KARS1: variants seen among roughly 807,000 people sequenced by gnomAD.
KARS1 encodes lysine--tRNA ligase.
Under a neutral mutation model 63.9 loss-of-function variants are expected in KARS1, and 50 were observed. The observed-to-expected ratio is 0.78, with a 90% CI of 0.62 to 0.99. The LOEUF is 0.99. Ranked by LOEUF, KARS1 falls within the 50% of genes least tolerant of loss-of-function variation. The pLI is 0.00. For synonymous variants in KARS1, 320 were observed against 264.6 expected (o/e 1.21, Z -2.03); for missense variants, 816 against 754.5 (o/e 1.08, Z -0.95).
chr16:75,634,339 T>C (rs755039049), intron 6 of KARS1, 47 bp from the exon 7 acceptor site: 12 of 1,604,808 alleles, frequency 7.5e-6, no homozygotes, highest in Admixed American at 1.7e-5. Flanking sequence ...ACCAGAGGCC[T>C]TGGGGACAGA....
rs1340620008 is a variant in KARS1 at position 75,631,856 on chromosome 16, C to G, written c.916-1G>C. ...GGTCGATGCCACCAACCACAAGCATCTAACAACAACACATGGCCACGGTCA... is the reference window on the plus strand; with the variant it reads ...GGTCGATGCCACCAACCACAAGCATGTAACAACAACACATGGCCACGGTCA... On this transcript the variant is annotated splice_acceptor_variant, in intron 7 of 13. Coordinates refer to ENST00000302445, the MANE Select transcript of KARS1 (RefSeq NM_005548.3). LOFTEE classifies it high-confidence loss of function. 1 of 1,613,810 alleles carries G rather than the reference C, an allele frequency of 6.2e-7. No homozygotes were observed. Among genetic ancestry groups the G allele is most frequent in the African/African-American group, 1.3e-5 (1 of 74,884 alleles).
chr16:75,637,235 A>C (rs539545197), intron 3 of KARS1, among the ~76,000 whole-genome samples: 10 of 152,188 alleles, frequency 6.6e-5, no homozygotes, highest in African/African-American at 2.4e-4. Flanking sequence ...TGCTGTGGGA[A>C]GACGTTGCCA....
intron 1 of KARS1, among the ~76,000 whole-genome samples, chr16:75,644,111 C>T (rs373296519): frequency 3.3e-4 from 50 of 152,194 alleles, no homozygotes; most frequent in African/African-American, 1.1e-3. Flanking sequence ...TAAGGAGAGA[C>T]GATTTGAATT....
chr16:75,645,284 G>C (rs1271400747), intron 1 of KARS1, among the ~76,000 whole-genome samples: 1 of 152,242 alleles, frequency 6.6e-6, no homozygotes, highest in African/African-American at 2.4e-5. Flanking sequence ...GTGCTGTGCA[G>C]TCAGGATACA....
At chr16:75,632,689 AAT>A (rs1270450974) in intron 7 of KARS1, among the ~76,000 whole-genome samples, 1 of 152,194 alleles carries the variant, frequency 6.6e-6, no homozygotes, top group Non-Finnish European at 1.5e-5. Flanking sequence ...AGCCCATTCT[AAT>A]ATGACTCAGA....
chr16:75,642,650 C>T (rs2082238468), intron 1 of KARS1: 1 of 152,236 alleles, frequency 6.6e-6, no homozygotes, highest in Admixed American at 6.5e-5. Flanking sequence ...ACAGTCTCTC[C>T]AAGAATGGCT....
intron 10 of KARS1, among the ~76,000 whole-genome samples, chr16:75,630,775 C>T (rs2082103560): frequency 6.6e-6 from 1 of 152,032 alleles, no homozygotes; most frequent in African/African-American, 2.4e-5. Flanking sequence ...GCGGGGATTA[C>T]AGGTGCCCGC....
chr16:75,632,832 G>A lies in KARS1; in HGVS notation c.916-977C>T, dbSNP rs541929655. ...AGGGAAATATTGGGGAAAGTTATAA[G>A]GAATAGTCACAAACCTTTTGGAAGG... On this transcript the variant is annotated intron_variant, in intron 7 of 13. Coordinates refer to ENST00000302445, the MANE Select transcript of KARS1 (RefSeq NM_005548.3). Among the ~76,000 whole-genome samples, 3 of 152,280 alleles carry A rather than the reference G, an allele frequency of 2.0e-5. No individual in the cohort carries two copies. The East Asian group carries it at 5.8e-4, about 29-fold the overall frequency.
chr16:75,636,752 G>T (rs554162083), intron 3 of KARS1, among the ~76,000 whole-genome samples: 2 of 151,906 alleles, frequency 1.3e-5, no homozygotes, highest in African/African-American at 4.8e-5. Context: ...TCCTGTTTCA[G>T]CCTCCTGAGT....
At chr16:75,630,030 G>A (rs959771663) in intron 11 of KARS1, among the ~76,000 whole-genome samples, 9 of 152,186 alleles carry the variant, frequency 5.9e-5, no homozygotes, top group Non-Finnish European at 1.2e-4. Context: ...CCCATGTGTA[G>A]TCTCCTTCAC....
At chr16:75,634,107 C>A (rs1378776263) in intron 7 of KARS1, 66 bp downstream of exon 7, 1 of 1,537,476 alleles carries the variant, frequency 6.5e-7, no homozygotes, top group Non-Finnish European at 9.0e-7. Flanking sequence ...TGACTATACC[C>A]ATCTAGCCAG....
intron 3 of KARS1, among the ~76,000 whole-genome samples, chr16:75,637,763 G>C (rs1327645133): frequency 7.6e-6 from 1 of 131,150 alleles, no homozygotes; most frequent in African/African-American, 2.9e-5. Flanking sequence ...TGGGCAATAA[G>C]AGCAAAACTC....
intron 8 of KARS1, 30 bp downstream of exon 8, chr16:75,631,663 C>G: frequency 6.2e-7 from 1 of 1,613,962 alleles, no homozygotes; most frequent in African/African-American, 1.3e-5. Context: ...TACCAACCAC[C>G]CGATGAGTAT....
rs72563117 is a variant in KARS1, at chr16:75,647,559, G to C, written c.62+19C>G. 17 of 1,610,934 alleles carry C rather than the reference G, an allele frequency of 1.1e-5. No individual in the cohort carries two copies. In the Admixed American group the frequency reaches 2.8e-4, roughly 27 times the overall value. ...ACTCTCCTACCGCAAAGGCTTTAAA[G>C]ACTCGCAGCGACACTCACTTCTTGC... is the stretch of plus-strand genomic sequence containing the variant. On this transcript the variant is annotated intron_variant, in intron 1 of 13. Transcript: ENST00000302445.
intron 12 of KARS1, 54 bp downstream of exon 12, chr16:75,629,361 G>GCTGGTATTTC: frequency 6.2e-7 from 1 of 1,609,382 alleles, no homozygotes; most frequent in Non-Finnish European, 8.5e-7. Flanking sequence ...CAGGGTTAAG[G>GCTGGTATTTC]CTGGTATTTC....
At chr16:75,647,447 T>A in intron 1 of KARS1, 131 bp downstream of exon 1, 3 of 860,838 alleles carry the variant, frequency 3.5e-6, no homozygotes, top group Non-Finnish European at 5.8e-6. Flanking sequence ...AGCCACCACG[T>A]CTCAGCATGT....
At chr16:75,646,266 G>A (rs575715690) in intron 1 of KARS1, among the ~76,000 whole-genome samples, 1 of 152,334 alleles carries the variant, frequency 6.6e-6, no homozygotes, top group East Asian at 1.9e-4. Context: ...GCCAGGGGTG[G>A]TGGCTCAGGC....
Position 75,631,775 on chromosome 16 carries a change from A to G in KARS1, c.996T>C (p.Asn332=). ...FRNEGIDLTH[N]PEFTTCEFYM... Reference sequence around the variant, plus strand: ...AGAACTCACAGGTGGTGAACTCAGGATTGTGCGTCAAATCAATCCCCTCAT... The same window carrying G: ...AGAACTCACAGGTGGTGAACTCAGGGTTGTGCGTCAAATCAATCCCCTCAT... The change falls in exon 8 of 14, where the codon AAT becomes AAC. Residue 332 remains asparagine, a synonymous_variant. Transcript: ENST00000302445. The G allele has an allele frequency of 6.2e-7, 1 of 1,614,168 alleles. No individual in the cohort carries two copies. Among genetic ancestry groups the G allele is most frequent in the Non-Finnish European group, 8.5e-7 (1 of 1,180,034 alleles).
intron 3 of KARS1, among the ~76,000 whole-genome samples, chr16:75,639,338 G>A (rs1221796431): frequency 2.0e-5 from 3 of 151,858 alleles, no homozygotes; most frequent in African/African-American, 4.8e-5. Context: ...TTGGGAAGCC[G>A]AGGCAGGTGG....
Sources: allele counts gnomAD v4.1 joint callset (sites outside exome capture counted in the v4.1 genomes callset), GRCh38; gene constraint gnomAD v4.1.1; transcripts MANE v1.5; gene names NCBI Gene and HGNC (gene_info 2026-07-23, HGNC 2026-07-21).